CFAP299: variants seen among roughly 807,000 people sequenced by gnomAD.
CFAP299 encodes the protein cilia- and flagella-associated protein 299.
In CFAP299, 21 loss-of-function variants were observed where a neutral mutation model predicts 27.0. The observed-to-expected ratio is 0.78, with a 90% CI of 0.55 to 1.12. The LOEUF is 1.12. Ranked by LOEUF, CFAP299 falls within the 50% of genes most tolerant of loss-of-function variation. CFAP299 has a pLI of 0.00. For synonymous variants in CFAP299, 104 were observed against 98.1 expected, an observed-to-expected ratio of 1.06 and a Z score of -0.36; for missense variants, 310 against 276.6, an observed-to-expected ratio of 1.12 and a Z score of -0.86.
intron 3 of CFAP299, among the ~76,000 whole-genome samples, chr4:80,730,425 G>A: frequency 6.6e-6 from 1 of 151,782 alleles, no homozygotes; most frequent in East Asian, 1.9e-4. Context: ...ACCCATGAAG[G>A]CAAGGCTCCC....
At position 80,893,595 on chromosome 4, in the gene CFAP299, A is replaced by G. The variant is rs370831388; in HGVS notation, c.476+23460A>G. 2.9e-4 allele frequency among the ~76,000 whole-genome samples: 44 copies of G among 152,102 alleles called. 2 individuals are homozygous for G. The South Asian group carries it at 7.5e-3, about 26-fold the overall frequency. ...TGATCAATTGATCTTCAACAAATGT[A>G]TCAAGAACACAATGTGGAAAGGATG... is the stretch of plus-strand genomic sequence containing the variant. On this transcript the variant is annotated intron_variant, in intron 4 of 5. Coordinates refer to ENST00000358105, the MANE Select transcript of CFAP299 (RefSeq NM_152770.3).
At chr4:80,517,899 G>A (rs34465346) in intron 2 of CFAP299, among the ~76,000 whole-genome samples, 11,511 of 152,228 alleles carry the variant, frequency 0.076, 626 homozygotes, top group East Asian at 0.25. Flanking sequence ...ACACAGGTAG[G>A]CTCTTTGATA....
chr4:80,959,305 A>G (rs555581159), intron 5 of CFAP299, among the ~76,000 whole-genome samples: 1 of 152,268 alleles, frequency 6.6e-6, no homozygotes, highest in African/African-American at 2.4e-5. Flanking sequence ...AAAGAAATTT[A>G]GTAAGTGTAC....
At chr4:80,733,454 C>T (rs1210207583) in intron 3 of CFAP299, among the ~76,000 whole-genome samples, 3 of 151,968 alleles carry the variant, frequency 2.0e-5, no homozygotes, top group Admixed American at 6.6e-5. Context: ...TATCCTTTGT[C>T]GTACAAACAA....
At chr4:80,638,731 A>G (rs1291305343) in intron 3 of CFAP299, among the ~76,000 whole-genome samples, 2 of 152,204 alleles carry the variant, frequency 1.3e-5, no homozygotes, top group African/African-American at 4.8e-5. Flanking sequence ...AAGTCCAACA[A>G]CAATGCCAAG....
chr4:80,829,515 G>A (rs1230252368), intron 3 of CFAP299, among the ~76,000 whole-genome samples: 1 of 151,968 alleles, frequency 6.6e-6, no homozygotes, highest in African/African-American at 2.4e-5. Context: ...AACCAGTATG[G>A]CATTTCCTCA....
intron 3 of CFAP299, among the ~76,000 whole-genome samples, chr4:80,598,224 G>A (rs1383052789): frequency 1.3e-5 from 2 of 152,156 alleles, no homozygotes; most frequent in African/African-American, 4.8e-5. Flanking sequence ...ACACTCCAAC[G>A]TATCATCCCC....
In CFAP299 at chr4:80,932,633, A is replaced by G. The variant is rs181634621; in HGVS notation, c.477-12177A>G. Among the ~76,000 whole-genome samples the G allele has an allele frequency of 2.0e-3, 300 of 152,346 alleles. 1 individual carries two copies. Among genetic ancestry groups the G allele is most frequent in the African/African-American group, 6.9e-3 (286 of 41,584 alleles). Reference sequence around the variant, plus strand: ...GCAGGAAAATAAAATAAAAAGGATCAACCATAAAAAAACATGTTTTAGCAT... The same window carrying G: ...GCAGGAAAATAAAATAAAAAGGATCGACCATAAAAAAACATGTTTTAGCAT... On this transcript the variant is annotated intron_variant, in intron 4 of 5. Coordinates refer to ENST00000358105, the MANE Select transcript of CFAP299 (RefSeq NM_152770.3).
At position 80,904,974 on chromosome 4, in the gene CFAP299, A is replaced by G. The variant is rs181664319; in HGVS notation, c.476+34839A>G. On this transcript the variant is annotated intron_variant, in intron 4 of 5. Coordinates refer to ENST00000358105, the MANE Select transcript of CFAP299 (RefSeq NM_152770.3). ...TATGAATAAAAAGTGGTTTTATACC[A>G]TGGTAAGCTTACATGCAAATATCCA... Among the ~76,000 whole-genome samples, 23 of 152,334 alleles carry G rather than the reference A, an allele frequency of 1.5e-4. 1 individual carries two copies. Among genetic ancestry groups the G allele is most frequent in the African/African-American group, 5.5e-4 (23 of 41,576 alleles).
chr4:80,613,447 T>A (rs1174677852), intron 3 of CFAP299, among the ~76,000 whole-genome samples: 2 of 152,164 alleles, frequency 1.3e-5, no homozygotes, highest in Admixed American at 6.5e-5. Flanking sequence ...ACTCAATTTA[T>A]TATAAACAAA....
chr4:80,803,465 G>A (rs1229539853), intron 3 of CFAP299, among the ~76,000 whole-genome samples: 8 of 151,906 alleles, frequency 5.3e-5, no homozygotes, highest in Non-Finnish European at 1.0e-4. Flanking sequence ...CTGGATCATA[G>A]GGTGTATACC....
In CFAP299 at chr4:80,785,704, G is replaced by A. The variant is rs190887428; in HGVS notation, c.334-84289G>A. Among the ~76,000 whole-genome samples, 259 of 152,218 alleles carry A rather than the reference G, an allele frequency of 1.7e-3. 2 individuals are homozygous for A. Among genetic ancestry groups the A allele is most frequent in the African/African-American group, 6.0e-3 (251 of 41,550 alleles). ...TCATTAGGCTACATGGAGAGCAAGAGGTTAGTATAGATGTTCTCATCTATG... is the reference window on the plus strand; with the variant it reads ...TCATTAGGCTACATGGAGAGCAAGAAGTTAGTATAGATGTTCTCATCTATG... On this transcript the variant is annotated intron_variant, in intron 3 of 5. Transcript: ENST00000358105.
chr4:80,512,259 G>C (rs1346124777), intron 2 of CFAP299, among the ~76,000 whole-genome samples: 8 of 149,792 alleles, frequency 5.3e-5, no homozygotes, highest in Admixed American at 4.6e-4. Flanking sequence ...TGTGTGTGTA[G>C]AAGAAACAGT....
chr4:80,398,037 C>A (rs1363366473), intron 2 of CFAP299, among the ~76,000 whole-genome samples: 2 of 152,110 alleles, frequency 1.3e-5, no homozygotes, highest in African/African-American at 4.8e-5. Context: ...TTCTTATACA[C>A]CAATAACAGA....
chr4:80,668,534 C>T (rs1203206879), intron 3 of CFAP299, among the ~76,000 whole-genome samples: 1 of 152,124 alleles, frequency 6.6e-6, no homozygotes, highest in African/African-American at 2.4e-5. Flanking sequence ...TCCAGTTTCT[C>T]CAGCTCCATT....
In CFAP299 at chr4:80,853,053, C is replaced by T. The variant is rs139014078; in HGVS notation, c.334-16940C>T. 4.0e-3 allele frequency among the ~76,000 whole-genome samples: 613 copies of T among 152,026 alleles called. 3 individuals carry two copies. The highest frequency in any genetic ancestry group is 6.7e-3 in the Non-Finnish European group (456 of 67,970). On this transcript the variant is annotated intron_variant, in intron 3 of 5. Coordinates refer to ENST00000358105, the MANE Select transcript of CFAP299 (RefSeq NM_152770.3). ...TTTATTTATTTATTTATTTTTGAGA[C>T]GGAGTCTCATTCTATTGCCCAGGCT... is the stretch of plus-strand genomic sequence containing the variant.
At chr4:80,498,662 A>G (rs1053430335) in intron 2 of CFAP299, among the ~76,000 whole-genome samples, 10 of 152,210 alleles carry the variant, frequency 6.6e-5, no homozygotes, top group Admixed American at 2.0e-4. Flanking sequence ...GAATTAGTTC[A>G]GCCACTGTGG....
chr4:80,493,831 A>G (rs1488147434), intron 2 of CFAP299, among the ~76,000 whole-genome samples: 7 of 120,834 alleles, frequency 5.8e-5, no homozygotes, highest in Admixed American at 1.0e-4. Flanking sequence ...TGCGGACTGC[A>G]GTGGCGCAAT....
chr4:80,944,996 C>T, intron 5 of CFAP299, 57 bp downstream of exon 5: 1 of 1,491,454 alleles, frequency 6.7e-7, no homozygotes, highest in Non-Finnish European at 9.2e-7. Context: ...GTATTTCTGC[C>T]ACTATTCAAA....
Sources: gnomAD v4.1 joint callset for allele counts (sites outside exome capture counted in the v4.1 genomes callset) on GRCh38, gnomAD v4.1.1 for gene constraint, MANE v1.5 for transcripts, NCBI Gene and HGNC (gene_info 2026-07-23, HGNC 2026-07-21) for gene names.